Variants in COG7 observed in about 807,000 individuals in gnomAD.
COG7 encodes component of oligomeric golgi complex 7.
In COG7, 49 loss-of-function variants were observed where a neutral mutation model predicts 91.5. The observed-to-expected ratio is 0.54, with a 90% CI of 0.43 to 0.68. The LOEUF (loss-of-function observed/expected upper bound fraction) is 0.68. COG7 is among the 30% of genes least tolerant of loss of function. The pLI is 0.00. For synonymous variants in COG7, 365 were observed against 388.7 expected, an observed-to-expected ratio of 0.94 and a Z score of 0.72; for missense variants, 895 against 961.3, an observed-to-expected ratio of 0.93 and a Z score of 0.91.
At chr16:23,439,660 CA>C (rs1964069496) in intron 4 of COG7, among the ~76,000 whole-genome samples, 1 of 151,994 alleles carries the variant, frequency 6.6e-6, no homozygotes, top group Admixed American at 6.6e-5. Flanking sequence ...TTCATAGGGA[CA>C]AAAGTAGAAT....
chr16:23,438,044 C>A lies in COG7; in HGVS notation c.605-3326G>T, dbSNP rs1330025245. On this transcript the variant is annotated intron_variant, in intron 4 of 16. Coordinates refer to ENST00000307149, the MANE Select transcript of COG7 (RefSeq NM_153603.4). ...AGGTTGCAGCGAGCCGAGATCAAGCCACTGCACTTCAGCCTGGAGACAGAG... is the reference window on the plus strand; with the variant it reads ...AGGTTGCAGCGAGCCGAGATCAAGCAACTGCACTTCAGCCTGGAGACAGAG... Among the ~76,000 whole-genome samples the A allele has an allele frequency of 3.4e-5, 5 of 146,884 alleles. 1 individual carries two copies. Among genetic ancestry groups the A allele is most frequent in the African/African-American group, 1.3e-4 (5 of 39,566 alleles).
chr16:23,439,873 A>AT, intron 4 of COG7, among the ~76,000 whole-genome samples: 1 of 152,134 alleles, frequency 6.6e-6, no homozygotes, highest in East Asian at 1.9e-4. Flanking sequence ...TTTTGCCACA[A>AT]TTTTTTAAAT....
chr16:23,403,933 T>G (rs1352783825), intron 12 of COG7, 99 bp from the exon 13 acceptor site: 1 of 1,436,470 alleles, frequency 7.0e-7, no homozygotes, highest in Non-Finnish European at 9.6e-7. Context: ...AACTGGGGGT[T>G]CTATGCAATA....
intron 9 of COG7, 54 bp downstream of exon 9, chr16:23,416,913 G>A: frequency 6.2e-7 from 1 of 1,608,172 alleles, no homozygotes; most frequent in Admixed American, 1.7e-5. Context: ...ATTTTTATCT[G>A]GGACAGACAC....
intron 10 of COG7, among the ~76,000 whole-genome samples, chr16:23,411,530 G>A (rs765833190): frequency 2.6e-5 from 4 of 152,080 alleles, no homozygotes; most frequent in Admixed American, 6.5e-5. Flanking sequence ...TTTAAGTTCC[G>A]GGATACATGT....
At chr16:23,392,334 G>T in intron 16 of COG7, 46 bp downstream of exon 16, 1 of 1,613,310 alleles carries the variant, frequency 6.2e-7, no homozygotes, top group Non-Finnish European at 8.5e-7. Flanking sequence ...GACAGATGCA[G>T]CAGGCAAGAG....
chr16:23,419,192 G>A (rs757173989), intron 7 of COG7, among the ~76,000 whole-genome samples: 11 of 152,082 alleles, frequency 7.2e-5, no homozygotes, highest in Non-Finnish European at 1.3e-4. Context: ...GATCAACTGA[G>A]GTCAGAAGTT....
chr16:23,443,983 C>T (rs1044086102), intron 3 of COG7, among the ~76,000 whole-genome samples: 4 of 151,908 alleles, frequency 2.6e-5, no homozygotes, highest in African/African-American at 9.7e-5. Context: ...GAAATCCCAT[C>T]TCTACTAAAA....
chr16:23,389,206 T>C (rs2142055921), intron 16 of COG7, 120 bp from the exon 17 acceptor site: 1 of 1,230,188 alleles, frequency 8.1e-7, no homozygotes. Flanking sequence ...TCCCTAGATG[T>C]GGGGCGCCAA....
chr16:23,418,601 C>T, intron 8 of COG7, 99 bp downstream of exon 8: 1 of 1,088,382 alleles, frequency 9.2e-7, no homozygotes, highest in Non-Finnish European at 1.4e-6. Context: ...GGTCATATTT[C>T]AGCACCCCGG....
chr16:23,453,125 C>CG lies in COG7; in HGVS notation c.-132dup. The CG allele has an allele frequency of 6.7e-7, 1 of 1,495,590 alleles. No homozygotes were observed. Among genetic ancestry groups the CG allele is most frequent in the Middle Eastern group, 2.4e-4 (1 of 4,254 alleles). 92.6% of individuals were successfully genotyped at this position (1,495,590 alleles called of 1,614,324 possible). A position where few individuals can be genotyped will look rare whatever the true frequency, so the allele number is the denominator to read the frequency against. ...GAGGCGAACCCCAGAAACGCCAGGACGGGTAACTTGCCCCTTTGCGCTTCC... is the reference window on the plus strand; with the variant it reads ...GAGGCGAACCCCAGAAACGCCAGGACGGGGTAACTTGCCCCTTTGCGCTTCC... On this transcript the variant is annotated 5_prime_UTR_variant, in exon 1 of 17. Coordinates refer to ENST00000307149, the MANE Select transcript of COG7 (RefSeq NM_153603.4).
chr16:23,424,534 C>T (rs1310258305), intron 7 of COG7, among the ~76,000 whole-genome samples: 2 of 152,166 alleles, frequency 1.3e-5, no homozygotes, highest in African/African-American at 2.4e-5. Flanking sequence ...GGCACCCAGG[C>T]AGCACTGGAG....
At position 23,453,108 on chromosome 16, in the gene COG7, C is replaced by A. The variant is rs1030586828; in HGVS notation, c.-114G>T. 1.3e-6 allele frequency: 2 copies of A among 1,535,168 alleles called. No homozygotes were observed. Among genetic ancestry groups the A allele is most frequent in the Non-Finnish European group, 1.8e-6 (2 of 1,138,268 alleles). On this transcript the variant is annotated 5_prime_UTR_variant, in exon 1 of 17. Coordinates refer to ENST00000307149, the MANE Select transcript of COG7 (RefSeq NM_153603.4). Reference sequence around the variant, plus strand: ...CACCGAGGCTAGCCTCCGAGGCGAACCCCAGAAACGCCAGGACGGGTAACT... The same window carrying A: ...CACCGAGGCTAGCCTCCGAGGCGAAACCCAGAAACGCCAGGACGGGTAACT...
intron 5 of COG7, among the ~76,000 whole-genome samples, 181 bp from the exon 6 acceptor site, chr16:23,433,848 G>T (rs988506260): frequency 2.0e-4 from 31 of 151,496 alleles, no homozygotes; most frequent in African/African-American, 7.0e-4. Context: ...GCAGTTATCT[G>T]CACTGATTCA....
intron 16 of COG7, 46 bp from the exon 17 acceptor site, chr16:23,389,132 C>T (rs376281497): frequency 1.2e-6 from 2 of 1,603,990 alleles, no homozygotes; most frequent in East Asian, 2.2e-5. Context: ...AGACTCAGCA[C>T]CAAGCAGGTC....
intron 12 of COG7, among the ~76,000 whole-genome samples, chr16:23,404,612 G>A (rs1963429854): frequency 6.6e-6 from 1 of 152,168 alleles, no homozygotes; most frequent in Non-Finnish European, 1.5e-5. Context: ...AGAGCTCTAG[G>A]CTGTGGATAA....
intron 14 of COG7, 83 bp from the exon 15 acceptor site, chr16:23,393,430 G>A (rs1192808933): frequency 1.4e-5 from 15 of 1,055,336 alleles, no homozygotes; most frequent in African/African-American, 3.1e-5. Flanking sequence ...GAAGGCAAAC[G>A]GCAGAGAGAC....
intron 3 of COG7, among the ~76,000 whole-genome samples, chr16:23,443,260 C>T (rs1049885718): frequency 7.9e-5 from 12 of 152,214 alleles, no homozygotes; most frequent in African/African-American, 2.9e-4. Flanking sequence ...ATATTCACAT[C>T]CAGGCTGGGC....
chr16:23,414,385 T>A (rs1963618958), intron 9 of COG7: 1 of 152,180 alleles, frequency 6.6e-6, no homozygotes, highest in African/African-American at 2.4e-5. Flanking sequence ...TCACAGCACT[T>A]TGGGAGGCCG....
Sources: gnomAD v4.1 joint callset for allele counts (sites outside exome capture counted in the v4.1 genomes callset) on GRCh38, gnomAD v4.1.1 for gene constraint, MANE v1.5 for transcripts, NCBI Gene and HGNC (gene_info 2026-07-23, HGNC 2026-07-21) for gene names.